BID: variants seen among roughly 807,000 people sequenced by gnomAD.
BID encodes the protein BH3-interacting domain death agonist.
A neutral mutation model predicts 17.4 loss-of-function variants in BID; 19 were observed. That is an observed-to-expected ratio of 1.09 (90% CI 0.76 to 1.60). BID has a LOEUF of 1.60. Ranked by LOEUF, BID falls within the 40% of genes most tolerant of loss-of-function variation. The pLI is 0.00. For missense variants in BID, 226 were observed against 256.0 expected, an observed-to-expected ratio of 0.88 and a Z score of 0.80; for synonymous variants, 108 against 102.8, an observed-to-expected ratio of 1.05 and a Z score of -0.31.
chr22:17,748,544 C>T (rs778608972), intron 2 of BID, among the ~76,000 whole-genome samples: 2 of 151,970 alleles, frequency 1.3e-5, no homozygotes, highest in Non-Finnish European at 2.9e-5. Context: ...AGTATCTACA[C>T]AGAATTAAAG....
chr22:17,749,645 T>G (rs1320867321), intron 2 of BID, among the ~76,000 whole-genome samples: 2 of 152,240 alleles, frequency 1.3e-5, no homozygotes, highest in Non-Finnish European at 1.5e-5. Context: ...TTATATGAAG[T>G]GCTTATCTAA....
chr22:17,745,920 C>T (rs1216853869), intron 2 of BID, among the ~76,000 whole-genome samples: 8 of 151,968 alleles, frequency 5.3e-5, no homozygotes, highest in Non-Finnish European at 1.2e-4. Context: ...GAGCCGAGAT[C>T]GCGCCATTGC....
rs113725320 is a variant in BID at position 17,767,680 on chromosome 22, C to G, written c.-59+6701G>C. Among the ~76,000 whole-genome samples the G allele has an allele frequency of 5.2e-3, 787 of 152,300 alleles. 6 individuals carry two copies. The highest frequency in any genetic ancestry group is 0.018 in the African/African-American group (738 of 41,560). On this transcript the variant is annotated intron_variant, in intron 1 of 5. Transcript: ENST00000622694. ...ATGACCACAAACCAATGCTCAATCA[C>G]TGATGCCACCAAGCCATGGGTAAGC...
Position 17,738,138 on chromosome 22 carries a change from G to A in BID, c.455C>T (p.Ala152Val). ...GGCCACCTTCTTGGCCAGCAGCAGG[G>A]CCAGCACCAGCATGGTCTTCTCCTT... The part of the protein sequence containing the change: ...MEKEKTMLVL[A>V]LLLAKKVASH... The change falls in exon 5 of 6, where the codon GCC becomes GTC. Residue 152 changes from alanine to valine, a missense_variant. By Grantham distance (64) the Ala-to-Val change is moderately conservative. Coordinates refer to ENST00000622694, the MANE Select transcript of BID (RefSeq NM_001196.4). 3.7e-6 allele frequency: 6 copies of A among 1,613,984 alleles called. No homozygotes were observed. The highest frequency in any genetic ancestry group is 5.1e-6 in the Non-Finnish European group (6 of 1,180,034).
chr22:17,761,423 C>G (rs951322455), intron 1 of BID, among the ~76,000 whole-genome samples: 2 of 135,888 alleles, frequency 1.5e-5, no homozygotes, highest in Non-Finnish European at 3.0e-5. Flanking sequence ...AAAGAATAAT[C>G]TTTCACTTTT....
At chr22:17,772,946 C>A (rs1173739058) in intron 1 of BID, among the ~76,000 whole-genome samples, 1 of 152,190 alleles carries the variant, frequency 6.6e-6, no homozygotes, top group Non-Finnish European at 1.5e-5. Flanking sequence ...GCCCAACCTC[C>A]TCAGAAGCAC....
chr22:17,739,339 C>T lies in BID; in HGVS notation c.363+10G>A. 6.3e-7 allele frequency: 1 copy of T among 1,578,640 alleles called. No individual in the cohort carries two copies. Among genetic ancestry groups the T allele is most frequent in the Non-Finnish European group, 8.6e-7 (1 of 1,165,102 alleles). ...TTGCCCGCCCACGCGGTCCTCAGGCCCTCACTCACCTCCTCCGACCGGCTG... is the reference window on the plus strand; with the variant it reads ...TTGCCCGCCCACGCGGTCCTCAGGCTCTCACTCACCTCCTCCGACCGGCTG... On this transcript the variant is annotated intron_variant, in intron 4 of 5. Transcript: ENST00000622694.
chr22:17,740,232 T>A, intron 3 of BID: 1 of 1,488,652 alleles, frequency 6.7e-7, no homozygotes, highest in Non-Finnish European at 9.2e-7. Context: ...TTTTGTCCAC[T>A]GACAAATACC....
At chr22:17,772,775 G>A (rs2061730489) in intron 1 of BID, among the ~76,000 whole-genome samples, 1 of 152,070 alleles carries the variant, frequency 6.6e-6, no homozygotes, top group Non-Finnish European at 1.5e-5. Context: ...GAGCCTGTGA[G>A]CACCCCTAAG....
intron 1 of BID, among the ~76,000 whole-genome samples, chr22:17,766,986 G>A (rs1288518836): frequency 6.6e-6 from 1 of 152,044 alleles, no homozygotes; most frequent in Non-Finnish European, 1.5e-5. Context: ...CACTCTGGGA[G>A]GCCAAGGCAG....
intron 5 of BID, among the ~76,000 whole-genome samples, chr22:17,736,226 C>T (rs911563666): frequency 5.3e-5 from 8 of 151,996 alleles, no homozygotes; most frequent in Non-Finnish European, 8.8e-5. Flanking sequence ...TTTGGGAGGC[C>T]GAGGTGGGCG....
chr22:17,768,367 C>T (rs1247551583), intron 1 of BID, among the ~76,000 whole-genome samples: 1 of 152,354 alleles, frequency 6.6e-6, no homozygotes. Context: ...GGAGGCTCCA[C>T]CACAGGCCCC....
At position 17,759,849 on chromosome 22, in the gene BID, T is replaced by G. The variant is rs185239567; in HGVS notation, c.-58-9675A>C. Among the ~76,000 whole-genome samples, 75 of 152,032 alleles carry G rather than the reference T, an allele frequency of 4.9e-4. No homozygotes were observed. In the East Asian group the frequency reaches 0.014, roughly 27 times the overall value. ...GGTTCACTGAGAAAGCAATATCATT[T>G]AAAAATGTTTCGGCCGGGCGAGGTG... On this transcript the variant is annotated intron_variant, in intron 1 of 5. Coordinates refer to ENST00000622694, the MANE Select transcript of BID (RefSeq NM_001196.4).
intron 4 of BID, among the ~76,000 whole-genome samples, chr22:17,738,936 A>G (rs906737095): frequency 1.3e-5 from 2 of 152,140 alleles, no homozygotes; most frequent in East Asian, 3.9e-4. Flanking sequence ...CAACAGTGCC[A>G]AGCAGATGGT....
intron 1 of BID, among the ~76,000 whole-genome samples, chr22:17,772,891 G>C (rs1001275665): frequency 6.6e-6 from 1 of 151,886 alleles, no homozygotes; most frequent in African/African-American, 2.4e-5. Flanking sequence ...TCTCTGGCAA[G>C]CTCCTGCACA....
In BID at chr22:17,741,378, T is replaced by C. The variant is rs8190328; in HGVS notation, c.224-1890A>G. Among the ~76,000 whole-genome samples, 48 of 152,256 alleles carry C rather than the reference T, an allele frequency of 3.2e-4. 1 individual carries two copies. Among genetic ancestry groups the C allele is most frequent in the African/African-American group, 1.1e-3 (45 of 41,554 alleles). ...CTCTTCAAAACCTCTCAAGTGCTCA[T>C]CTCTGCTTAAGTGACAAGTCATGAC... On this transcript the variant is annotated intron_variant, in intron 3 of 5. Coordinates refer to ENST00000622694, the MANE Select transcript of BID (RefSeq NM_001196.4).
chr22:17,747,311 T>A (rs984314201), intron 2 of BID, among the ~76,000 whole-genome samples: 8 of 152,316 alleles, frequency 5.3e-5, no homozygotes, highest in Admixed American at 2.6e-4. Context: ...ATGCCCTTTT[T>A]TGATCTTCTA....
At chr22:17,737,934 G>T (rs1320492231) in intron 5 of BID, 83 bp downstream of exon 5, 16 of 1,467,588 alleles carry the variant, frequency 1.1e-5, no homozygotes, top group Non-Finnish European at 1.4e-5. Context: ...ATCAGAGGCA[G>T]GGGCCCCGCT....
chr22:17,758,972 C>G (rs2061614128), intron 1 of BID, among the ~76,000 whole-genome samples: 3 of 152,146 alleles, frequency 2.0e-5, no homozygotes. Context: ...GTGGCTCATG[C>G]CTGTAATCGC....
Sources: gnomAD v4.1 joint callset for allele counts (sites outside exome capture counted in the v4.1 genomes callset) on GRCh38, gnomAD v4.1.1 for gene constraint, MANE v1.5 for transcripts, NCBI Gene and HGNC (gene_info 2026-07-23, HGNC 2026-07-21) for gene names.